Variants in CNTN5 observed in about 807,000 individuals in gnomAD.
CNTN5 encodes contactin-5.
A neutral mutation model predicts 129.1 loss-of-function variants in CNTN5; 77 were observed. The observed-to-expected ratio is 0.60, with a 90% CI of 0.50 to 0.72. The LOEUF is 0.72. Among genes scored for constraint, CNTN5 ranks in the 30% least tolerant of loss-of-function variants. CNTN5 has a pLI of 0.00. For missense variants in CNTN5, 1,478 were observed against 1,328.8 expected (o/e 1.11, Z -1.75); for synonymous variants, 509 against 465.6 (o/e 1.09, Z -1.20).
At chr11:99,810,886 T>C (rs999223174) in intron 3 of CNTN5, among the ~76,000 whole-genome samples, 8 of 152,140 alleles carry the variant, frequency 5.3e-5, no homozygotes, top group African/African-American at 1.9e-4. Context: ...TCTGTTTTTT[T>C]CTGTATACTC....
At chr11:100,244,408 T>A (rs1949803110) in intron 16 of CNTN5, among the ~76,000 whole-genome samples, 2 of 152,198 alleles carry the variant, frequency 1.3e-5, no homozygotes, top group Admixed American at 1.3e-4. Flanking sequence ...TGGAGTGAAT[T>A]CCTAAGTCAC....
intron 2 of CNTN5, among the ~76,000 whole-genome samples, chr11:99,425,306 G>A (rs1171626371): frequency 1.3e-5 from 2 of 152,198 alleles, no homozygotes; most frequent in African/African-American, 4.8e-5. Context: ...CAGGCTTCAG[G>A]CTGTTTTTGT....
At chr11:100,310,636 A>T (rs932644221) in intron 21 of CNTN5, among the ~76,000 whole-genome samples, 1 of 152,094 alleles carries the variant, frequency 6.6e-6, no homozygotes, top group Non-Finnish European at 1.5e-5. Flanking sequence ...TTTTTTAAAA[A>T]AAATATGAGA....
intron 3 of CNTN5, among the ~76,000 whole-genome samples, chr11:99,602,470 G>A (rs1380315392): frequency 1.3e-5 from 2 of 151,958 alleles, no homozygotes; most frequent in African/African-American, 4.8e-5. Flanking sequence ...GGAGCAAAAG[G>A]TTCATTGACA....
chr11:99,813,022 TG>T (rs1162211767), intron 3 of CNTN5, among the ~76,000 whole-genome samples: 3 of 108,002 alleles, frequency 2.8e-5, no homozygotes, highest in Non-Finnish European at 6.3e-5. Flanking sequence ...ATTTACCAAT[TG>T]GTAAAATCCT....
At chr11:100,083,563 T>A (rs552292931) in intron 13 of CNTN5, among the ~76,000 whole-genome samples, 1 of 152,300 alleles carries the variant, frequency 6.6e-6, no homozygotes, top group East Asian at 1.9e-4. Flanking sequence ...AAGCTTGGTC[T>A]CTTTAAGAGA....
intron 2 of CNTN5, among the ~76,000 whole-genome samples, chr11:99,330,335 C>A (rs991902695): frequency 6.6e-6 from 1 of 151,100 alleles, no homozygotes; most frequent in African/African-American, 2.4e-5. Flanking sequence ...GGCCTTTGGG[C>A]ATTAATATTT....
intron 2 of CNTN5, among the ~76,000 whole-genome samples, chr11:99,365,713 T>C (rs1395602478): frequency 1.3e-5 from 2 of 152,176 alleles, no homozygotes; most frequent in Non-Finnish European, 2.9e-5. Flanking sequence ...CTCATTCATT[T>C]TGGTATTTCC....
intron 1 of CNTN5, among the ~76,000 whole-genome samples, chr11:99,300,745 C>G (rs1402506179): frequency 6.6e-6 from 1 of 151,750 alleles, no homozygotes; most frequent in Non-Finnish European, 1.5e-5. Flanking sequence ...ATCTTTCAGG[C>G]TGACATGAAA....
At position 99,421,955 on chromosome 11, in the gene CNTN5, T is replaced by C. The variant is rs565687771; in HGVS notation, c.-71+96471T>C. 1.4e-3 allele frequency among the ~76,000 whole-genome samples: 208 copies of C among 152,310 alleles called. 1 individual carries two copies. Among genetic ancestry groups the C allele is most frequent in the African/African-American group, 4.8e-3 (200 of 41,572 alleles). Reference sequence around the variant, plus strand: ...TTTTCAGAGTCAAATTTTGTGGTAATGTCAACCTGAAAAGAACTGCAGCTG... The same window carrying C: ...TTTTCAGAGTCAAATTTTGTGGTAACGTCAACCTGAAAAGAACTGCAGCTG... On this transcript the variant is annotated intron_variant, in intron 2 of 24. Transcript: ENST00000524871.
At chr11:99,729,313 C>G (rs944803445) in intron 3 of CNTN5, among the ~76,000 whole-genome samples, 1 of 151,682 alleles carries the variant, frequency 6.6e-6, no homozygotes, top group African/African-American at 2.4e-5. Context: ...ATTTTTTTAC[C>G]TTTAGGTTTG....
At chr11:99,467,923 C>T (rs1268607633) in intron 2 of CNTN5, among the ~76,000 whole-genome samples, 3 of 152,044 alleles carry the variant, frequency 2.0e-5, no homozygotes, top group African/African-American at 7.2e-5. Flanking sequence ...GATTGGGAAA[C>T]ATAAGATTCT....
At chr11:99,984,387 G>GA in intron 8 of CNTN5, among the ~76,000 whole-genome samples, 1 of 151,990 alleles carries the variant, frequency 6.6e-6, no homozygotes, top group South Asian at 2.1e-4. Context: ...AGAAAGAAAA[G>GA]AAAAAAGAAA....
At chr11:99,961,190 G>C (rs1950933110) in intron 8 of CNTN5, among the ~76,000 whole-genome samples, 1 of 119,244 alleles carries the variant, frequency 8.4e-6, no homozygotes, top group South Asian at 3.3e-4. Context: ...GGGCCATAGA[G>C]TGAGACTCCG....
rs1944190095 is a variant in CNTN5, at chr11:100,077,703, C to A, written c.1580+3409C>A. Among the ~76,000 whole-genome samples, 3 of 151,808 alleles carry A rather than the reference C, an allele frequency of 2.0e-5. No individual in the cohort carries two copies. The South Asian group carries it at 6.2e-4, about 32-fold the overall frequency. ...AAAACAACTTAAATAAATAGTCAGG[C>A]ATGGTGGTGTACGCCTATAGTCCCA... On this transcript the variant is annotated intron_variant, in intron 13 of 24. Coordinates refer to ENST00000524871, the MANE Select transcript of CNTN5 (RefSeq NM_014361.4).
At chr11:100,334,331 G>A (rs1009371412) in intron 21 of CNTN5, among the ~76,000 whole-genome samples, 1 of 152,268 alleles carries the variant, frequency 6.6e-6, no homozygotes. Context: ...CACTGTTGGT[G>A]GGAATGTAAA....
chr11:100,266,755 G>A (rs1335871387), intron 17 of CNTN5, among the ~76,000 whole-genome samples: 2 of 150,868 alleles, frequency 1.3e-5, no homozygotes, highest in Admixed American at 1.3e-4. Context: ...AACTTTGGAA[G>A]GAAGATTATT....
chr11:100,172,812 G>A (rs1192484489), intron 13 of CNTN5, among the ~76,000 whole-genome samples: 1 of 152,018 alleles, frequency 6.6e-6, no homozygotes, highest in East Asian at 1.9e-4. Context: ...TGATTATGAG[G>A]AATATCCTAT....
intron 1 of CNTN5, among the ~76,000 whole-genome samples, chr11:99,102,576 G>A (rs553048447): frequency 6.6e-6 from 1 of 152,186 alleles, no homozygotes; most frequent in Admixed American, 6.5e-5. Context: ...CTAGGGCAGG[G>A]GCAAAATGCC....
Sources: gnomAD v4.1 joint callset for allele counts (sites outside exome capture counted in the v4.1 genomes callset) on GRCh38, gnomAD v4.1.1 for gene constraint, MANE v1.5 for transcripts, NCBI Gene and HGNC (gene_info 2026-07-23, HGNC 2026-07-21) for gene names.